Variants in TNR observed in about 807,000 individuals in gnomAD.
The protein encoded by TNR is tenascin R.
In TNR, 45 loss-of-function variants were observed where a neutral mutation model predicts 150.4. That is an observed-to-expected ratio of 0.30 (90% CI 0.24 to 0.38). TNR has a LOEUF of 0.38. TNR is among the 10% of genes least tolerant of loss of function. The pLI is 1.00. For missense variants in TNR, 1,544 were observed against 1,759.1 expected (o/e 0.88, Z 2.19); for synonymous variants, 687 against 678.4 (o/e 1.01, Z -0.20).
chr1:175,336,557 T>C (rs1204332134), intron 19 of TNR, among the ~76,000 whole-genome samples: 1 of 152,188 alleles, frequency 6.6e-6, no homozygotes, highest in Non-Finnish European at 1.5e-5. Context: ...TAGGGCCAAG[T>C]GGTGGGAACT....
At chr1:175,520,760 C>T (rs1213430612) in intron 2 of TNR, among the ~76,000 whole-genome samples, 2 of 152,180 alleles carry the variant, frequency 1.3e-5, no homozygotes, top group East Asian at 1.9e-4. Context: ...TAGCCATCCA[C>T]GTTCACCACT....
At chr1:175,342,620 T>C (rs1162025919) in intron 18 of TNR, among the ~76,000 whole-genome samples, 3 of 152,196 alleles carry the variant, frequency 2.0e-5, no homozygotes, top group Non-Finnish European at 4.4e-5. Flanking sequence ...CAGGACTCCA[T>C]TCAGGATGTA....
intron 1 of TNR, among the ~76,000 whole-genome samples, chr1:175,672,087 C>T (rs1401367960): frequency 1.3e-5 from 2 of 152,162 alleles, no homozygotes; most frequent in Non-Finnish European, 2.9e-5. Context: ...TGCTGCTCCA[C>T]AAGCAGAATG....
chr1:175,611,147 A>T (rs906220450), intron 1 of TNR, among the ~76,000 whole-genome samples: 1 of 152,178 alleles, frequency 6.6e-6, no homozygotes, highest in African/African-American at 2.4e-5. Context: ...TTGCAGGCTA[A>T]TTTAACCCGT....
At chr1:175,508,428 T>TG (rs1659040993) in intron 2 of TNR, among the ~76,000 whole-genome samples, 1 of 151,918 alleles carries the variant, frequency 6.6e-6, no homozygotes, top group African/African-American at 2.4e-5. Context: ...TTCCCTGGAG[T>TG]GGGGGCTGGA....
At chr1:175,646,589 A>G (rs1194752855) in intron 1 of TNR, among the ~76,000 whole-genome samples, 1 of 151,380 alleles carries the variant, frequency 6.6e-6, no homozygotes, top group Non-Finnish European at 1.5e-5. Context: ...AGGGCCTTAG[A>G]CATTATCTGA....
chr1:175,474,010 T>A (rs140523453), intron 2 of TNR, among the ~76,000 whole-genome samples: 153 of 152,244 alleles, frequency 1.0e-3, no homozygotes, highest in African/African-American at 3.5e-3. Flanking sequence ...TTAGGAATCA[T>A]ACACACACAC....
At chr1:175,360,796 A>G (rs1323354743) in intron 14 of TNR, among the ~76,000 whole-genome samples, 1 of 152,242 alleles carries the variant, frequency 6.6e-6, no homozygotes, top group African/African-American at 2.4e-5. Context: ...ACTTGGCTTG[A>G]TCTATCTGAG....
rs941469985 is a variant in TNR at position 175,337,835 on chromosome 1, G to C, written c.3383-156C>G. ...CTCAAGGTGTGGGTGTGGGGACTTG[G>C]CATCATCTTGGATTTCCCTTCCACA... is the stretch of plus-strand genomic sequence containing the variant. On this transcript the variant is annotated intron_variant, in intron 18 of 22. Coordinates refer to ENST00000367674, the MANE Select transcript of TNR (RefSeq NM_003285.3). Among the ~76,000 whole-genome samples the C allele has an allele frequency of 2.6e-5, 4 of 152,166 alleles. No homozygotes were observed. In the East Asian group the frequency reaches 5.8e-4, roughly 22 times the overall value.
intron 18 of TNR, among the ~76,000 whole-genome samples, chr1:175,339,819 C>G (rs919780129): frequency 6.6e-6 from 1 of 152,210 alleles, no homozygotes; most frequent in Non-Finnish European, 1.5e-5. Context: ...CTCAAAATGA[C>G]AGTCTCATAC....
chr1:175,718,872 A>T (rs757017041), intron 1 of TNR, among the ~76,000 whole-genome samples: 2 of 152,166 alleles, frequency 1.3e-5, no homozygotes, highest in Non-Finnish European at 2.9e-5. Flanking sequence ...GCAGACATAC[A>T]CTTAGACTCT....
intron 1 of TNR, among the ~76,000 whole-genome samples, chr1:175,703,842 C>T (rs1405033307): frequency 6.6e-6 from 1 of 152,184 alleles, no homozygotes; most frequent in Non-Finnish European, 1.5e-5. Context: ...GGGGTATGGG[C>T]TCTGAAGTCA....
rs145329398 is a variant in TNR at position 175,501,030 on chromosome 1, C to T, written c.-64+27239G>A. Among the ~76,000 whole-genome samples the T allele has an allele frequency of 4.1e-4, 63 of 152,182 alleles. No homozygotes were observed. In the East Asian group the frequency reaches 8.1e-3, roughly 20 times the overall value. ...GCATGATGCCTCCCTGTGAGTGTGG[C>T]GAGGAACCTGTGAATATGGTGGGAG... On this transcript the variant is annotated intron_variant, in intron 2 of 22. Coordinates refer to ENST00000367674, the MANE Select transcript of TNR (RefSeq NM_003285.3).
At chr1:175,545,820 C>T (rs568402018) in intron 1 of TNR, among the ~76,000 whole-genome samples, 3 of 152,342 alleles carry the variant, frequency 2.0e-5, no homozygotes, top group African/African-American at 7.2e-5. Flanking sequence ...GGGTCCTTCA[C>T]TACCATGCCA....
At chr1:175,590,672 G>A (rs1558025209) in intron 1 of TNR, among the ~76,000 whole-genome samples, 1 of 152,234 alleles carries the variant, frequency 6.6e-6, no homozygotes, top group Non-Finnish European at 1.5e-5. Flanking sequence ...GTGAGGAGGG[G>A]AAGGGCATTC....
At chr1:175,452,305 G>T (rs1192055195) in intron 2 of TNR, among the ~76,000 whole-genome samples, 3 of 152,270 alleles carry the variant, frequency 2.0e-5, no homozygotes, top group African/African-American at 4.8e-5. Context: ...CTGCTCGAAA[G>T]TCTAGCGGGG....
intron 2 of TNR, among the ~76,000 whole-genome samples, chr1:175,494,332 G>T (rs1264296948): frequency 6.6e-6 from 1 of 152,208 alleles, no homozygotes; most frequent in East Asian, 1.9e-4. Context: ...GTTAATCTGG[G>T]GCGGGAGCTG....
chr1:175,435,154 T>A (rs1160888743), intron 2 of TNR, among the ~76,000 whole-genome samples: 1 of 152,210 alleles, frequency 6.6e-6, no homozygotes, highest in Non-Finnish European at 1.5e-5. Flanking sequence ...TTATGCAGAA[T>A]GGTCTCATGG....
At chr1:175,581,829 C>T (rs976404130) in intron 1 of TNR, among the ~76,000 whole-genome samples, 8 of 152,034 alleles carry the variant, frequency 5.3e-5, no homozygotes, top group African/African-American at 1.9e-4. Context: ...TCAGTATTTC[C>T]CATTACTAGT....
Sources: allele counts gnomAD v4.1 joint callset (sites outside exome capture counted in the v4.1 genomes callset), GRCh38; gene constraint gnomAD v4.1.1; transcripts MANE v1.5; gene names NCBI Gene and HGNC (gene_info 2026-07-23, HGNC 2026-07-21).